ERCC6L2: variants seen among roughly 807,000 people sequenced by gnomAD.
ERCC6L2 encodes the protein DNA excision repair protein ERCC-6-like 2.
A neutral mutation model predicts 132.0 loss-of-function variants in ERCC6L2; 77 were observed. The observed-to-expected ratio is 0.58, with a 90% confidence interval of 0.49 to 0.71. ERCC6L2 has a LOEUF of 0.71. ERCC6L2 is among the 30% of genes least tolerant of loss of function. The pLI is 0.00. For missense variants in ERCC6L2, 1,542 were observed against 1,837.6 expected (o/e 0.84, Z 2.94); for synonymous variants, 583 against 632.4 (o/e 0.92, Z 1.17).
chr9:95,921,012 T>C (rs1829839449), intron 6 of ERCC6L2, among the ~76,000 whole-genome samples, 163 bp from the exon 7 acceptor site: 1 of 152,250 alleles, frequency 6.6e-6, no homozygotes, highest in African/African-American at 2.4e-5. Flanking sequence ...CTTGACCTTG[T>C]GATCCGCCCT....
intron 11 of ERCC6L2, 76 bp from the exon 12 acceptor site, chr9:95,941,378 C>G: frequency 9.5e-7 from 1 of 1,054,114 alleles, no homozygotes; most frequent in Admixed American, 2.0e-5. Context: ...CTATAGAAAC[C>G]TGGCACAGTT....
rs2133078414 is a variant in ERCC6L2, at chr9:95,972,087, G to T, written c.2336G>T (p.Ser779Ile). ...KTAKNKAPDS[S>I]KASSSPGQLT... ...GCCAAAAACAAAGCACCCGATTCAA[G>T]TAAAGCTTCCAGCTCTCCAGGACAG... Residue 779 changes from serine to isoleucine, a missense_variant, in exon 16 of 19, where the codon AGT (serine) becomes ATT (isoleucine). By Grantham distance (142) the Ser-to-Ile change is moderately radical. Transcript: ENST00000653738. 1 of 1,304,258 alleles carries T rather than the reference G, an allele frequency of 7.7e-7. No individual in the cohort carries two copies. The highest frequency in any genetic ancestry group is 1.0e-6 in the Non-Finnish European group (1 of 988,940). 80.8% of individuals were successfully genotyped at this position (1,304,258 alleles called of 1,614,324 possible). A position where few individuals can be genotyped will look rare whatever the true frequency, so the allele number is the denominator to read the frequency against.
At chr9:95,974,839 C>A (rs1001261169) in intron 16 of ERCC6L2, among the ~76,000 whole-genome samples, 1 of 151,584 alleles carries the variant, frequency 6.6e-6, no homozygotes, top group African/African-American at 2.4e-5. Flanking sequence ...TGATAAAATA[C>A]CTCGAGGTTA....
chr9:95,994,088 T>A (rs1394140443), intron 17 of ERCC6L2, among the ~76,000 whole-genome samples: 1 of 152,204 alleles, frequency 6.6e-6, no homozygotes, highest in Non-Finnish European at 1.5e-5. Context: ...CCTTGAATGA[T>A]GTTGAGGATT....
chr9:95,993,327 T>C (rs1833364552), intron 17 of ERCC6L2, among the ~76,000 whole-genome samples: 2 of 152,198 alleles, frequency 1.3e-5, no homozygotes, highest in African/African-American at 4.8e-5. Context: ...GTAGGAGGAA[T>C]TAAAGGGAAT....
chr9:95,906,564 C>T (rs75504620), intron 3 of ERCC6L2: 10,616 of 440,758 alleles, frequency 0.024, 186 homozygotes, highest in Middle Eastern at 0.032. Context: ...AGGAAGTTTT[C>T]TTCTGATTGC....
chr9:95,970,280 C>G (rs138341179), intron 14 of ERCC6L2, among the ~76,000 whole-genome samples: 1 of 152,202 alleles, frequency 6.6e-6, no homozygotes, highest in South Asian at 2.1e-4. Context: ...CATTTCTTCA[C>G]TCTCCCTCTT....
intron 4 of ERCC6L2, among the ~76,000 whole-genome samples, chr9:95,909,785 CAT>C (rs1416472004): frequency 2.0e-5 from 3 of 152,002 alleles, no homozygotes; most frequent in Non-Finnish European, 4.4e-5. Flanking sequence ...CTTTTTTGGA[CAT>C]ATGTTTTCAT....
intron 12 of ERCC6L2, among the ~76,000 whole-genome samples, chr9:95,944,238 T>G (rs1226970819): frequency 1.3e-5 from 2 of 152,202 alleles, no homozygotes; most frequent in African/African-American, 4.8e-5. Context: ...AGACAAACCT[T>G]GAAGACATTA....
chr9:95,908,513 T>G (rs1048247192), intron 4 of ERCC6L2, among the ~76,000 whole-genome samples: 1 of 152,184 alleles, frequency 6.6e-6, no homozygotes, highest in Non-Finnish European at 1.5e-5. Context: ...TTTTAAGCCA[T>G]CCAGTGTGTG....
chr9:95,959,395 A>G (rs1251765155), intron 13 of ERCC6L2, among the ~76,000 whole-genome samples: 11 of 151,930 alleles, frequency 7.2e-5, no homozygotes, highest in Admixed American at 7.2e-4. Flanking sequence ...TGGATTAAAG[A>G]CTTAAACGTT....
At chr9:95,902,874 A>G (rs561769151) in intron 3 of ERCC6L2, among the ~76,000 whole-genome samples, 1 of 152,244 alleles carries the variant, frequency 6.6e-6, no homozygotes, top group African/African-American at 2.4e-5. Flanking sequence ...ATAGTCCTTA[A>G]CGATATATCC....
chr9:95,877,822 A>G (rs1194433240), intron 1 of ERCC6L2, among the ~76,000 whole-genome samples: 1 of 151,436 alleles, frequency 6.6e-6, no homozygotes, highest in Non-Finnish European at 1.5e-5. Context: ...AAAGAAAAAA[A>G]AAAGAATGTG....
intron 17 of ERCC6L2, 52 bp from the exon 18 acceptor site, chr9:96,004,468 C>A (rs1281153823): frequency 1.9e-6 from 2 of 1,041,064 alleles, no homozygotes; most frequent in African/African-American, 3.4e-5. Flanking sequence ...ATTATTTGAC[C>A]AACAATGACT....
intron 11 of ERCC6L2, among the ~76,000 whole-genome samples, chr9:95,938,563 A>G (rs1416013221): frequency 6.6e-6 from 1 of 151,988 alleles, no homozygotes; most frequent in Non-Finnish European, 1.5e-5. Flanking sequence ...TCTTTTTGTC[A>G]TTGTGCATTG....
chr9:95,909,695 T>C (rs763527430), intron 4 of ERCC6L2, among the ~76,000 whole-genome samples: 1 of 152,232 alleles, frequency 6.6e-6, no homozygotes, highest in Non-Finnish European at 1.5e-5. Context: ...TTGTTACCCA[T>C]TCATTTGAGG....
rs968488102 is a variant in ERCC6L2 at position 95,966,848 on chromosome 9, T to C, written c.2100+134T>C. 1.6e-5 allele frequency: 10 copies of C among 631,948 alleles called. No homozygotes were observed. In the African/African-American group the frequency reaches 1.9e-4, roughly 12 times the overall value. The allele number at this position is 631,948 out of a possible 1,614,324, so 39.1% of individuals were successfully genotyped here. A position where few individuals can be genotyped will look rare whatever the true frequency, so the allele number is the denominator to read the frequency against. ...TCTTTATCAAAAATGCCTTGGAATT[T>C]TTACTTTTAGAGAATAAGAAATGAA... On this transcript the variant is annotated intron_variant, in intron 14 of 18. Transcript: ENST00000653738.
At chr9:95,889,271 T>C (rs1486897531) in intron 2 of ERCC6L2, among the ~76,000 whole-genome samples, 1 of 152,154 alleles carries the variant, frequency 6.6e-6, no homozygotes, top group Non-Finnish European at 1.5e-5. Flanking sequence ...GCAAATTGAA[T>C]TATGAATTTG....
Position 95,880,896 on chromosome 9 carries a change from T to C in ERCC6L2, c.74T>C (p.Leu25Pro). 1.9e-6 allele frequency: 3 copies of C among 1,612,376 alleles called. No homozygotes were observed. The Admixed American group carries it at 5.0e-5, about 27-fold the overall frequency. Residue 25 changes from leucine to proline, a missense_variant, in exon 2 of 19, where the codon CTT becomes CCT. By Grantham distance (98) the Leu-to-Pro change is moderately conservative (BLOSUM62 -3). Around this residue, in one of 4 missense-constraint regions of ERCC6L2, gnomAD observed 153 missense variants for 132.3 expected, o/e 1.16. Coordinates refer to ENST00000653738, the MANE Select transcript of ERCC6L2 (RefSeq NM_020207.7). The stretch of plus-strand genomic sequence containing the variant: ...ATATGGCATCCAGGAGAAAGATGTC[T>C]TGCCCCTTCTCCAGATAATGGAAAA... The part of the protein sequence containing the change: ...KDIWHPGERC[L>P]APSPDNGKLC...
Sources: allele counts gnomAD v4.1 joint callset (sites outside exome capture counted in the v4.1 genomes callset), GRCh38; gene constraint gnomAD v4.1.1; regional missense constraint gnomAD v4.1.1; transcripts MANE v1.5; gene names NCBI Gene and HGNC (gene_info 2026-07-23, HGNC 2026-07-21).